Variants in SLIT1 observed in about 807,000 individuals in gnomAD.
SLIT1 encodes the protein slit homolog 1 protein.
In SLIT1, 66 loss-of-function variants were observed where a neutral mutation model predicts 186.1. That is an observed-to-expected ratio of 0.35 (90% CI 0.29 to 0.44). The LOEUF is 0.44. SLIT1 is among the 20% of genes least tolerant of loss of function. The pLI, the probability that SLIT1 is intolerant of heterozygous loss-of-function variation, is 1.00. For synonymous variants in SLIT1, 761 were observed against 833.8 expected, an observed-to-expected ratio of 0.91 and a Z score of 1.50; for missense variants, 1,638 against 2,037.4, an observed-to-expected ratio of 0.80 and a Z score of 3.77.
intron 5 of SLIT1, among the ~76,000 whole-genome samples, chr10:97,065,281 A>G (rs974290571): frequency 2.9e-4 from 44 of 152,148 alleles, no homozygotes; most frequent in African/African-American, 1.1e-3. Flanking sequence ...GAGGTTGACT[A>G]GAGGTGGCTA....
intron 4 of SLIT1, among the ~76,000 whole-genome samples, chr10:97,099,529 C>A (rs1849329066): frequency 6.6e-6 from 1 of 152,214 alleles, no homozygotes; most frequent in African/African-American, 2.4e-5. Context: ...AGGTGTCCAT[C>A]TGTCTGTCTC....
chr10:97,035,318 T>G (rs1483330800), intron 22 of SLIT1, among the ~76,000 whole-genome samples: 1 of 152,082 alleles, frequency 6.6e-6, no homozygotes. Flanking sequence ...GTGCTGACAG[T>G]GCCCCCCTCC....
intron 27 of SLIT1, 113 bp from the exon 28 acceptor site, chr10:97,018,796 T>TTTCATTCATTCATTCGTCCAC (rs1848477162): frequency 2.9e-6 from 2 of 693,070 alleles, no homozygotes; most frequent in South Asian, 3.6e-5. Context: ...AGTTACTTGT[T>TTTCATTCATTCATTCGTCCAC]TTCATTCATT....
intron 1 of SLIT1, among the ~76,000 whole-genome samples, chr10:97,180,141 C>A (rs548591014): frequency 9.2e-5 from 14 of 152,332 alleles, no homozygotes; most frequent in Admixed American, 6.5e-4. Flanking sequence ...GGGTTCCCAG[C>A]GGCTGCCTGA....
At chr10:97,106,251 G>A (rs530686712) in intron 4 of SLIT1, among the ~76,000 whole-genome samples, 4 of 152,304 alleles carry the variant, frequency 2.6e-5, no homozygotes, top group Non-Finnish European at 4.4e-5. Context: ...AGAGGTTAAC[G>A]TCATTTCTGG....
At position 97,011,074 on chromosome 10, in the gene SLIT1, C is replaced by A. The variant is rs757273237; in HGVS notation, c.3260G>T (p.Cys1087Phe). 25 of 1,613,750 alleles carry A rather than the reference C, an allele frequency of 1.5e-5. No individual in the cohort carries two copies. The highest frequency in any genetic ancestry group is 1.9e-5 in the Non-Finnish European group (23 of 1,179,786). ...GDNCSENQDD[C>F]RDHRCQNGAQ... ...CCCATTCTGGCAGCGGTGGTCCCTG[C>A]AGTCATCCTGGTTCTCACTGCAGTT... is the stretch of plus-strand genomic sequence containing the variant. The change falls in exon 31 of 37, where the codon TGC becomes TTC. Residue 1087 changes from cysteine to phenylalanine, a missense_variant. Physicochemically the swap from Cys to Phe is radical, Grantham distance 205. Around this residue, in one of 3 missense-constraint regions of SLIT1, gnomAD observed 1,245 missense variants for 1,535.3 expected, o/e 0.81. Transcript: ENST00000266058.
In SLIT1 at chr10:97,185,913, C is replaced by T. The variant is rs1470935053; in HGVS notation, c.-239G>A. 3 of 488,816 alleles carry T rather than the reference C, an allele frequency of 6.1e-6. No homozygotes were observed. The highest frequency in any genetic ancestry group is 6.4e-5 in the South Asian group (2 of 31,290). The allele number at this position is 488,816 out of a possible 1,614,324, so 30.3% of individuals were successfully genotyped here. A position where few individuals can be genotyped will look rare whatever the true frequency, so the allele number is the denominator to read the frequency against. On this transcript the variant is annotated 5_prime_UTR_variant, in exon 1 of 37. Transcript: ENST00000266058. ...GGCTCCTCTGCCGTTTCGCCGCCTG[C>T]GTCTCCCTCTCCCTCCCTCCAGCTC...
chr10:97,028,333 A>G (rs776384315), intron 25 of SLIT1, among the ~76,000 whole-genome samples: 20 of 151,652 alleles, frequency 1.3e-4, no homozygotes, highest in Admixed American at 6.6e-4. Context: ...GTTTCCTGAA[A>G]CTCAGTTCCC....
chr10:97,081,375 A>G (rs1849103451), intron 4 of SLIT1, among the ~76,000 whole-genome samples: 1 of 152,162 alleles, frequency 6.6e-6, no homozygotes, highest in Non-Finnish European at 1.5e-5. Context: ...TTGAAGTCAT[A>G]TCAGGAGCAG....
intron 4 of SLIT1, among the ~76,000 whole-genome samples, chr10:97,096,033 C>T (rs1849285400): frequency 6.6e-6 from 1 of 152,086 alleles, no homozygotes; most frequent in Non-Finnish European, 1.5e-5. Context: ...GTGCTTCCTC[C>T]CCAGTGGCCA....
Position 97,021,198 on chromosome 10 carries a change from T to A in SLIT1, c.2746+52A>T. 6.4e-7 allele frequency: 1 copy of A among 1,571,852 alleles called. No individual in the cohort carries two copies. The highest frequency in any genetic ancestry group is 8.7e-7 in the Non-Finnish European group (1 of 1,154,342). Reference sequence around the variant, plus strand: ...GCATGTTAGGAAGGCCCTGCAGTGTTGGGCAAGTTCTGTGAGCCCCCAGCA... The same window carrying A: ...GCATGTTAGGAAGGCCCTGCAGTGTAGGGCAAGTTCTGTGAGCCCCCAGCA... On this transcript the variant is annotated intron_variant, in intron 26 of 36. Coordinates refer to ENST00000266058, the MANE Select transcript of SLIT1 (RefSeq NM_003061.3). The surrounding 1 kb of genome is among the most constrained non-coding windows in gnomAD (Gnocchi z 4.5).
At chr10:97,107,577 T>C (rs1849426415) in intron 4 of SLIT1, among the ~76,000 whole-genome samples, 1 of 152,168 alleles carries the variant, frequency 6.6e-6, no homozygotes, top group African/African-American at 2.4e-5. Context: ...GAGGACTACT[T>C]GAAGAATACT....
intron 4 of SLIT1, among the ~76,000 whole-genome samples, chr10:97,132,082 C>T (rs757434106): frequency 1.4e-4 from 22 of 152,228 alleles, no homozygotes; most frequent in Non-Finnish European, 2.6e-4. Flanking sequence ...CATTGAAGCC[C>T]TGTGGCTGCA....
chr10:97,155,793 T>C (rs756174773), intron 4 of SLIT1, among the ~76,000 whole-genome samples: 31 of 152,126 alleles, frequency 2.0e-4, no homozygotes, highest in Admixed American at 9.2e-4. Context: ...AATTGCACAA[T>C]TGAGACCAAG....
intron 4 of SLIT1, among the ~76,000 whole-genome samples, chr10:97,115,632 G>A (rs780250573): frequency 2.0e-5 from 3 of 151,958 alleles, no homozygotes; most frequent in Non-Finnish European, 2.9e-5. Flanking sequence ...CCTGACCCCT[G>A]AGTCCCTCCT....
chr10:97,003,307 A>G (rs777762004), intron 34 of SLIT1, among the ~76,000 whole-genome samples: 1 of 152,088 alleles, frequency 6.6e-6, no homozygotes, highest in African/African-American at 2.4e-5. Flanking sequence ...TCTCCCTGGG[A>G]CGCTAGCTTT....
intron 1 of SLIT1, among the ~76,000 whole-genome samples, chr10:97,171,282 TG>T (rs1299215062): frequency 2.0e-5 from 3 of 152,134 alleles, no homozygotes; most frequent in Admixed American, 6.5e-5. Context: ...CACCCCAATC[TG>T]CAGGGTAGCC....
At position 97,035,924 on chromosome 10, in the gene SLIT1, G is replaced by A. The variant is rs765722894; in HGVS notation, c.2367-1382C>T. On this transcript the variant is annotated intron_variant, in intron 22 of 36. Coordinates refer to ENST00000266058, the MANE Select transcript of SLIT1 (RefSeq NM_003061.3). ...TTCCAAGATGCCCTCCCCGCAAGCC[G>A]CCTCCCTGAGTTGATCACATCCTCC... 8.5e-5 allele frequency among the ~76,000 whole-genome samples: 13 copies of A among 152,136 alleles called. No homozygotes were observed. In the South Asian group the frequency reaches 1.0e-3, roughly 12 times the overall value.
At chr10:97,052,955 G>A (rs1358271391) in intron 13 of SLIT1, among the ~76,000 whole-genome samples, 1 of 152,068 alleles carries the variant, frequency 6.6e-6, no homozygotes, top group East Asian at 1.9e-4. Flanking sequence ...TCAATAATGA[G>A]CTCTGTTCTT....
Sources: allele counts gnomAD v4.1 joint callset (sites outside exome capture counted in the v4.1 genomes callset), GRCh38; gene constraint gnomAD v4.1.1; regional missense constraint gnomAD v4.1.1; non-coding constraint Gnocchi (gnomAD v3.1); transcripts MANE v1.5; gene names NCBI Gene and HGNC (gene_info 2026-07-23, HGNC 2026-07-21).